GMDS: variants seen among roughly 807,000 people sequenced by gnomAD.
GMDS encodes GDP-mannose 4,6 dehydratase.
A neutral mutation model predicts 49.9 loss-of-function variants in GMDS; 20 were observed. The observed-to-expected ratio is 0.40, with a 90% CI of 0.28 to 0.58. The LOEUF is 0.58. GMDS is among the 20% of genes least tolerant of loss of function. The pLI is 0.42. For synonymous variants in GMDS, 177 were observed against 178.6 expected (o/e 0.99, Z 0.07); for missense variants, 362 against 481.4 (o/e 0.75, Z 2.32).
intron 7 of GMDS, among the ~76,000 whole-genome samples, chr6:1,814,787 T>C (rs1315882086): frequency 1.3e-5 from 2 of 152,214 alleles, no homozygotes; most frequent in Admixed American, 6.5e-5. Context: ...TCCTGTTTTA[T>C]AATTCAGTCT....
intron 1 of GMDS, among the ~76,000 whole-genome samples, chr6:2,130,682 G>A (rs1010138039): frequency 3.3e-5 from 5 of 152,096 alleles, no homozygotes; most frequent in African/African-American, 1.2e-4. Context: ...CCATGGCACA[G>A]AATTCTCTCC....
intron 7 of GMDS, among the ~76,000 whole-genome samples, chr6:1,771,016 T>C (rs559486983): frequency 5.6e-4 from 86 of 152,298 alleles, no homozygotes; most frequent in African/African-American, 1.8e-3. Flanking sequence ...CATGTCTTCA[T>C]AGGATATATA....
Position 2,096,625 on chromosome 6 carries a change from A to C in GMDS, c.345+19146T>G, listed in dbSNP as rs1773618202. On this transcript the variant is annotated intron_variant, in intron 4 of 10. Coordinates refer to ENST00000380815, the MANE Select transcript of GMDS (RefSeq NM_001500.4). Reference sequence around the variant, plus strand: ...GCATAGTTAGTTCCAAAAAACATTTAAATAGGTTCTTTAGCTGGGAAGTCC... The same window carrying C: ...GCATAGTTAGTTCCAAAAAACATTTCAATAGGTTCTTTAGCTGGGAAGTCC... 2.6e-5 allele frequency among the ~76,000 whole-genome samples: 4 copies of C among 152,206 alleles called. No individual in the cohort carries two copies. The South Asian group carries it at 6.2e-4, about 24-fold the overall frequency.
At chr6:2,208,592 G>A (rs889155939) in intron 1 of GMDS, among the ~76,000 whole-genome samples, 2 of 152,176 alleles carry the variant, frequency 1.3e-5, no homozygotes, top group East Asian at 1.9e-4. Flanking sequence ...ACATATGTTA[G>A]ATGCTTCTAA....
At chr6:1,680,101 C>T (rs1433958201) in intron 9 of GMDS, among the ~76,000 whole-genome samples, 2 of 152,210 alleles carry the variant, frequency 1.3e-5, no homozygotes, top group Non-Finnish European at 2.9e-5. Flanking sequence ...GTCTTGTACA[C>T]TGAAATTACG....
At chr6:1,958,033 T>C in intron 6 of GMDS, among the ~76,000 whole-genome samples, 1 of 151,896 alleles carries the variant, frequency 6.6e-6, no homozygotes, top group Non-Finnish European at 1.5e-5. Flanking sequence ...CCCAAACTCC[T>C]GGGCTCAAGT....
chr6:1,950,953 G>A (rs1763309605), intron 6 of GMDS, among the ~76,000 whole-genome samples: 1 of 152,090 alleles, frequency 6.6e-6, no homozygotes, highest in African/African-American at 2.4e-5. Flanking sequence ...ATGTTCAGCA[G>A]CATCCCTGGC....
At chr6:1,740,255 C>A (rs1309094904) in intron 8 of GMDS, among the ~76,000 whole-genome samples, 1 of 152,104 alleles carries the variant, frequency 6.6e-6, no homozygotes, top group Non-Finnish European at 1.5e-5. Flanking sequence ...CTAAACTATA[C>A]GTTTTAATTA....
At chr6:1,666,934 G>A (rs886287500) in intron 9 of GMDS, among the ~76,000 whole-genome samples, 1 of 152,160 alleles carries the variant, frequency 6.6e-6, no homozygotes, top group African/African-American at 2.4e-5. Flanking sequence ...AGCACCCTCT[G>A]GGGGAAGGGC....
At chr6:2,226,854 C>A (rs1581825992) in intron 1 of GMDS, among the ~76,000 whole-genome samples, 1 of 152,190 alleles carries the variant, frequency 6.6e-6, no homozygotes, top group Non-Finnish European at 1.5e-5. Context: ...CCTAGACCCC[C>A]AGATGCATTC....
chr6:2,132,487 C>G (rs1459126422), intron 1 of GMDS, among the ~76,000 whole-genome samples: 1 of 152,178 alleles, frequency 6.6e-6, no homozygotes, highest in Admixed American at 6.5e-5. Context: ...AGATTTCACA[C>G]ACATCCACCC....
At chr6:1,838,671 C>T (rs552956636) in intron 7 of GMDS, among the ~76,000 whole-genome samples, 1 of 152,216 alleles carries the variant, frequency 6.6e-6, no homozygotes, top group South Asian at 2.1e-4. Flanking sequence ...CCTCTTTTGT[C>T]TCTTTCCCTT....
chr6:1,852,240 C>A (rs1757710919), intron 7 of GMDS, among the ~76,000 whole-genome samples: 1 of 152,172 alleles, frequency 6.6e-6, no homozygotes, highest in South Asian at 2.1e-4. Context: ...AAGCCACAGG[C>A]CTCAAGAGCT....
chr6:1,741,280 A>T (rs1164858652), intron 8 of GMDS, among the ~76,000 whole-genome samples: 2 of 152,098 alleles, frequency 1.3e-5, no homozygotes, highest in East Asian at 3.9e-4. Flanking sequence ...ACCAGAACTT[A>T]TTTCTCCTAT....
At chr6:2,094,247 C>T (rs1039099780) in intron 4 of GMDS, among the ~76,000 whole-genome samples, 1 of 152,224 alleles carries the variant, frequency 6.6e-6, no homozygotes, top group African/African-American at 2.4e-5. Flanking sequence ...CAATTAGACA[C>T]TGTATAACAG....
intron 1 of GMDS, among the ~76,000 whole-genome samples, chr6:2,158,873 C>T (rs962505907): frequency 2.6e-5 from 4 of 152,188 alleles, no homozygotes; most frequent in Admixed American, 1.3e-4. Context: ...CTGCCAGAGG[C>T]GGTGAGGTGA....
chr6:2,124,828 CTAACT>C (rs1261302728), intron 1 of GMDS, 97 bp from the exon 2 acceptor site: 23 of 868,420 alleles, frequency 2.6e-5, no homozygotes, highest in Non-Finnish European at 3.6e-5. Flanking sequence ...AAAAGGCTAC[CTAACT>C]TAAGGACAAT....
At chr6:1,689,916 C>CAT (rs60587411) in intron 9 of GMDS, among the ~76,000 whole-genome samples, 148,060 of 152,212 alleles carry the variant, frequency 0.97, 72,137 homozygotes, top group East Asian at 1. Context: ...ATGTAGATAA[C>CAT]ATAAAGCATG....
chr6:2,216,509 G>A (rs766090689), intron 1 of GMDS, among the ~76,000 whole-genome samples: 38 of 152,326 alleles, frequency 2.5e-4, no homozygotes, highest in Middle Eastern at 3.4e-3. Flanking sequence ...GTGTGAGCAC[G>A]TGTGCACATG....
Sources: gnomAD v4.1 joint callset for allele counts (sites outside exome capture counted in the v4.1 genomes callset) on GRCh38, gnomAD v4.1.1 for gene constraint, MANE v1.5 for transcripts, NCBI Gene and HGNC (gene_info 2026-07-23, HGNC 2026-07-21) for gene names.